RETNLB: variants seen among roughly 807,000 people sequenced by gnomAD.
The protein encoded by RETNLB is resistin-like beta.
RETNLB carries 11 observed loss-of-function variants against 6.8 expected under a neutral mutation model. That is an observed-to-expected ratio of 1.62 (90% CI 1.02 to 2.68). RETNLB has a LOEUF of 2.68. Ranked by LOEUF, RETNLB falls within the 30% of genes most tolerant of loss-of-function variation. The pLI, the probability that RETNLB is intolerant of heterozygous loss-of-function variation, is 0.00. For missense variants in RETNLB, 146 were observed against 135.7 expected, an observed-to-expected ratio of 1.08 and a Z score of -0.38; for synonymous variants, 57 against 54.2, an observed-to-expected ratio of 1.05 and a Z score of -0.23.
Position 108,755,723 on chromosome 3 carries a change from A to T in RETNLB, c.*55T>A. On this transcript the variant is annotated 3_prime_UTR_variant, in exon 3 of 3. Transcript: ENST00000295755. Reference sequence around the variant, plus strand: ...GTTTGAGTTAGATTTCTTGGTTGGGACCCTGGTTTCATTACTGTCATGGTC... The same window carrying T: ...GTTTGAGTTAGATTTCTTGGTTGGGTCCCTGGTTTCATTACTGTCATGGTC... The T allele has an allele frequency of 6.3e-7, 1 of 1,591,564 alleles. No homozygotes were observed. Among genetic ancestry groups the T allele is most frequent in the Non-Finnish European group, 8.6e-7 (1 of 1,162,822 alleles).
Position 108,757,295 on chromosome 3 carries a change from G to A in RETNLB, c.-110C>T. The A allele has an allele frequency of 7.6e-7, 1 of 1,314,390 alleles. No individual in the cohort carries two copies. The highest frequency in any genetic ancestry group is 2.3e-5 in the Admixed American group (1 of 44,156). 81.4% of individuals were successfully genotyped at this position (1,314,390 alleles called of 1,614,324 possible). ...AGAAGACAACGTGGTTAGTTTCCAGGGAGTAAAGATGGAAGAACAGCGTCA... is the reference window on the plus strand; with the variant it reads ...AGAAGACAACGTGGTTAGTTTCCAGAGAGTAAAGATGGAAGAACAGCGTCA... On this transcript the variant is annotated 5_prime_UTR_variant, in exon 1 of 3. Coordinates refer to ENST00000295755, the MANE Select transcript of RETNLB (RefSeq NM_032579.3).
At position 108,756,608 on chromosome 3, in the gene RETNLB, G is replaced by A. The variant is rs1945252331; in HGVS notation, c.128-20C>T. On this transcript the variant is annotated intron_variant, in intron 1 of 2. Coordinates refer to ENST00000295755, the MANE Select transcript of RETNLB (RefSeq NM_032579.3). ...TGTACTCTGAGTAGGAAAGAAGAAA[G>A]GGTACATCCCATGAGCTATCCTCCC... The A allele has an allele frequency of 5.2e-6, 8 of 1,538,208 alleles. No individual in the cohort carries two copies. Among genetic ancestry groups the A allele is most frequent in the South Asian group, 2.2e-5 (2 of 89,464 alleles).
chr3:108,755,853 A>G lies in RETNLB; in HGVS notation c.261T>C (p.Val87=), dbSNP rs746109733. The G allele has an allele frequency of 2.5e-6, 4 of 1,614,146 alleles. No individual in the cohort carries two copies. The highest frequency in any genetic ancestry group is 2.5e-6 in the Non-Finnish European group (3 of 1,180,010). ...GGCAGTGGCAGGTGGTTTCCAGCTGAACATCCCACGAACCACAGCCATAGC... is the reference window on the plus strand; with the variant it reads ...GGCAGTGGCAGGTGGTTTCCAGCTGGACATCCCACGAACCACAGCCATAGC... ...ACGYGCGSWD[V]QLETTCHCQC... The change falls in exon 3 of 3, where the codon GTT becomes GTC. Residue 87 remains valine, a synonymous_variant. Transcript: ENST00000295755.
In RETNLB at chr3:108,757,254, G is replaced by A; in HGVS notation, c.-69C>T. On this transcript the variant is annotated 5_prime_UTR_variant, in exon 1 of 3. Coordinates refer to ENST00000295755, the MANE Select transcript of RETNLB (RefSeq NM_032579.3). The stretch of plus-strand genomic sequence containing the variant: ...AGCAGCTTAGATCTCTGAGCTCCTG[G>A]GTGGTGGTGAAGGAAAGAAGACAAC... The A allele has an allele frequency of 6.5e-7, 1 of 1,531,732 alleles. No homozygotes were observed. Among genetic ancestry groups the A allele is most frequent in the Non-Finnish European group, 8.8e-7 (1 of 1,135,748 alleles). 94.9% of individuals were successfully genotyped at this position (1,531,732 alleles called of 1,614,324 possible). A position where few individuals can be genotyped will look rare whatever the true frequency, so the allele number is the denominator to read the frequency against.
chr3:108,757,180 C>T lies in RETNLB; in HGVS notation c.6G>A (p.Gly2=). ...GGATGAGAAGGAGGCAAGAGGACGG[C>T]CCCATCCTGTACAGAGTCAGTGTCC... is the stretch of plus-strand genomic sequence containing the variant. M[G]PSSCLLLILI... Residue 2 remains glycine, a synonymous_variant, in exon 1 of 3, where the codon GGG becomes GGA. Transcript: ENST00000295755. 6.2e-7 allele frequency: 1 copy of T among 1,613,080 alleles called. No individual in the cohort carries two copies. The highest frequency in any genetic ancestry group is 8.5e-7 in the Non-Finnish European group (1 of 1,179,620).
Position 108,756,572 on chromosome 3 carries a change from A to G in RETNLB, c.144T>C (p.Pro48=). 1 of 1,612,032 alleles carries G rather than the reference A, an allele frequency of 6.2e-7. No individual in the cohort carries two copies. The highest frequency in any genetic ancestry group is 1.7e-4 in the Middle Eastern group (1 of 6,052). The stretch of plus-strand genomic sequence containing the variant: ...TAGCACACGAGAGCTTCTTGCTTAT[A>G]GGAGAGGGACTGTACTCTGAGTAGG... ...VLNSLEYSPS[P]ISKKLSCASV... is the part of the protein sequence containing the mutation. Residue 48 remains proline (P), a synonymous_variant, in exon 2 of 3, where the codon CCT becomes CCC. Transcript: ENST00000295755.
At position 108,755,663 on chromosome 3, in the gene RETNLB, C is replaced by A; in HGVS notation, c.*115G>T. Reference sequence around the variant, plus strand: ...AGAGGTACAAAGTTTGTCTTTATTACCCAAGAATCAGGAATGGAACAAATG... The same window carrying A: ...AGAGGTACAAAGTTTGTCTTTATTAACCAAGAATCAGGAATGGAACAAATG... On this transcript the variant is annotated 3_prime_UTR_variant, in exon 3 of 3. Coordinates refer to ENST00000295755, the MANE Select transcript of RETNLB (RefSeq NM_032579.3). The A allele has an allele frequency of 8.0e-7, 1 of 1,242,630 alleles. No individual in the cohort carries two copies. The allele number at this position is 1,242,630 out of a possible 1,614,324, so 77.0% of individuals were successfully genotyped here.
intron 2 of RETNLB, 100 bp from the exon 3 acceptor site, chr3:108,756,005 AG>A: frequency 6.9e-7 from 1 of 1,447,134 alleles, no homozygotes; most frequent in Non-Finnish European, 9.6e-7. Flanking sequence ...TCAGGGGTAG[AG>A]CTAGGTTTCG....
In RETNLB at chr3:108,757,201, T is replaced by G; in HGVS notation, c.-16A>C. The G allele has an allele frequency of 6.2e-7, 1 of 1,605,916 alleles. No homozygotes were observed. The highest frequency in any genetic ancestry group is 8.5e-7 in the Non-Finnish European group (1 of 1,175,840). On this transcript the variant is annotated 5_prime_UTR_variant, in exon 1 of 3. Transcript: ENST00000295755. ...ACGGCCCCATCCTGTACAGAGTCAGTGTCCTGGGGCTGGGAGAAAAGATGG... is the reference window on the plus strand; with the variant it reads ...ACGGCCCCATCCTGTACAGAGTCAGGGTCCTGGGGCTGGGAGAAAAGATGG...
chr3:108,756,698 G>T, intron 1 of RETNLB, 110 bp from the exon 2 acceptor site: 1 of 774,276 alleles, frequency 1.3e-6, no homozygotes. Context: ...TCCAGAATCA[G>T]CCTACTCATC....
chr3:108,755,640 A>G lies in RETNLB; in HGVS notation c.*138T>C. 2.2e-6 allele frequency: 2 copies of G among 915,910 alleles called. No individual in the cohort carries two copies. The highest frequency in any genetic ancestry group is 1.7e-6 in the Non-Finnish European group (1 of 581,986). The allele number at this position is 915,910 out of a possible 1,614,324, so 56.7% of individuals were successfully genotyped here. A position where few individuals can be genotyped will look rare whatever the true frequency, so the allele number is the denominator to read the frequency against. On this transcript the variant is annotated 3_prime_UTR_variant, in exon 3 of 3. Coordinates refer to ENST00000295755, the MANE Select transcript of RETNLB (RefSeq NM_032579.3). ...TAACAGAGATGACATAAGCACAGAG[A>G]GGTACAAAGTTTGTCTTTATTACCC...
At chr3:108,755,962 G>A (rs574031227) in intron 2 of RETNLB, 57 bp from the exon 3 acceptor site, 2 of 1,608,504 alleles carry the variant, frequency 1.2e-6, no homozygotes, top group Admixed American at 3.3e-5. Context: ...GAGGAGGAAG[G>A]GCTACCCACA....
At position 108,757,260 on chromosome 3, in the gene RETNLB, G is replaced by A. The variant is rs1945257458; in HGVS notation, c.-75C>T. On this transcript the variant is annotated 5_prime_UTR_variant, in exon 1 of 3. Transcript: ENST00000295755. ...TTAGATCTCTGAGCTCCTGGGTGGT[G>A]GTGAAGGAAAGAAGACAACGTGGTT... 3 of 1,516,616 alleles carry A rather than the reference G, an allele frequency of 2.0e-6. No homozygotes were observed. The African/African-American group carries it at 4.1e-5, about 21-fold the overall frequency. 93.9% of individuals were successfully genotyped at this position (1,516,616 alleles called of 1,614,324 possible). A position where few individuals can be genotyped will look rare whatever the true frequency, so the allele number is the denominator to read the frequency against.
At chr3:108,756,189 C>A (rs184190092) in intron 2 of RETNLB, among the ~76,000 whole-genome samples, 1 of 152,146 alleles carries the variant, frequency 6.6e-6, no homozygotes, top group Non-Finnish European at 1.5e-5. Flanking sequence ...TTGGCCCCTA[C>A]CCATCAAAAC....
Position 108,756,851 on chromosome 3 carries a change from C to T in RETNLB, c.127+208G>A, listed in dbSNP as rs571270586. On this transcript the variant is annotated intron_variant, in intron 1 of 2. Transcript: ENST00000295755. ...CATAATGAGTGTTCATAAATTACAG[C>T]TACCATTCTCCTCCACCTCTTCCTC... 5 of 608,098 alleles carry T rather than the reference C, an allele frequency of 8.2e-6. No individual in the cohort carries two copies. In the South Asian group the frequency reaches 1.1e-4, roughly 13 times the overall value. 37.7% of individuals were successfully genotyped at this position (608,098 alleles called of 1,614,324 possible).
Position 108,757,308 on chromosome 3 carries a change from A to T in RETNLB, c.-123T>A. The T allele has an allele frequency of 2.6e-6, 3 of 1,137,282 alleles. No individual in the cohort carries two copies. The South Asian group carries it at 5.5e-5, about 21-fold the overall frequency. 70.4% of individuals were successfully genotyped at this position (1,137,282 alleles called of 1,614,324 possible). On this transcript the variant is annotated 5_prime_UTR_variant, in exon 1 of 3. Coordinates refer to ENST00000295755, the MANE Select transcript of RETNLB (RefSeq NM_032579.3). ...GTTAGTTTCCAGGGAGTAAAGATGG[A>T]AGAACAGCGTCATCAGTACTGGATC...
At position 108,757,100 on chromosome 3, in the gene RETNLB, G is replaced by T. The variant is rs541441799; in HGVS notation, c.86C>A (p.Ser29Tyr). 1 of 1,613,914 alleles carries T rather than the reference G, an allele frequency of 6.2e-7. No individual in the cohort carries two copies. The highest frequency in any genetic ancestry group is 1.3e-5 in the African/African-American group (1 of 75,014). Residue 29 changes from serine to tyrosine, a missense_variant, in exon 1 of 3, where the codon TCC becomes TAC. Ser to Tyr is a moderately radical substitution (Grantham distance 144). Coordinates refer to ENST00000295755, the MANE Select transcript of RETNLB (RefSeq NM_032579.3). Reference sequence around the variant, plus strand: ...ATCCTTGATCTTCTTATCCATAACGGAGTCTAAGGAACACTGAGTACTCCC... The same window carrying T: ...ATCCTTGATCTTCTTATCCATAACGTAGTCTAAGGAACACTGAGTACTCCC... ...NPGSTQCSLD[S>Y]VMDKKIKDVL...
rs184590628 is a variant in RETNLB at position 108,755,690 on chromosome 3, A to T, written c.*88T>A. On this transcript the variant is annotated 3_prime_UTR_variant, in exon 3 of 3. Coordinates refer to ENST00000295755, the MANE Select transcript of RETNLB (RefSeq NM_032579.3). ...CAAGAATCAGGAATGGAACAAATGA[A>T]GTGGGACGTTTGAGTTAGATTTCTT... The T allele has an allele frequency of 2.6e-4, 369 of 1,417,102 alleles. 1 individual carries two copies. In the African/African-American group the frequency reaches 4.7e-3, roughly 18 times the overall value. The allele number at this position is 1,417,102 out of a possible 1,614,324, so 87.8% of individuals were successfully genotyped here. A position where few individuals can be genotyped will look rare whatever the true frequency, so the allele number is the denominator to read the frequency against.
rs1374821 is a variant in RETNLB at position 108,755,660 on chromosome 3, T to C, written c.*118A>G. ...CAGAGAGGTACAAAGTTTGTCTTTA[T>C]TACCCAAGAATCAGGAATGGAACAA... On this transcript the variant is annotated 3_prime_UTR_variant, in exon 3 of 3. Coordinates refer to ENST00000295755, the MANE Select transcript of RETNLB (RefSeq NM_032579.3). 293,424 of 1,202,242 alleles carry C rather than the reference T, an allele frequency of 0.24. 50,632 individuals carry two copies. Among genetic ancestry groups the C allele is most frequent in the East Asian group, 0.95 (40,420 of 42,360 alleles). 74.5% of individuals were successfully genotyped at this position (1,202,242 alleles called of 1,614,324 possible). A position where few individuals can be genotyped will look rare whatever the true frequency, so the allele number is the denominator to read the frequency against.
Sources: allele counts gnomAD v4.1 joint callset (sites outside exome capture counted in the v4.1 genomes callset), GRCh38; gene constraint gnomAD v4.1.1; transcripts MANE v1.5; gene names NCBI Gene and HGNC (gene_info 2026-07-23, HGNC 2026-07-21).